Variants in FADS2 observed in about 807,000 individuals in gnomAD.
FADS2 encodes acyl-CoA 6-desaturase.
FADS2 carries 18 observed loss-of-function variants against 61.2 expected under a neutral mutation model. The ratio of observed to expected loss-of-function variants is 0.29; its 90% CI spans 0.20 to 0.44. The LOEUF (loss-of-function observed/expected upper bound fraction) is 0.44. Among genes scored for constraint, FADS2 ranks in the 20% least tolerant of loss-of-function variants. FADS2 has a pLI of 1.00. For missense variants in FADS2, 322 were observed against 572.7 expected (o/e 0.56, Z 4.47); for synonymous variants, 203 against 223.9 (o/e 0.91, Z 0.83).
Position 61,848,302 on chromosome 11 carries a change from G to T in FADS2, c.744+18G>T. On this transcript the variant is annotated intron_variant, in intron 5 of 11. Transcript: ENST00000278840. ...CCATCGAGGTACGACTAAGAGGATG[G>T]TGTTGACCTAGGAAGTGTTTGTCCT... 1 of 1,611,422 alleles carries T rather than the reference G, an allele frequency of 6.2e-7. No homozygotes were observed. Among genetic ancestry groups the T allele is most frequent in the Non-Finnish European group, 8.5e-7 (1 of 1,177,938 alleles).
chr11:61,851,155 C>A (rs1381200516), intron 5 of FADS2, among the ~76,000 whole-genome samples: 1 of 152,134 alleles, frequency 6.6e-6, no homozygotes, highest in African/African-American at 2.4e-5. Flanking sequence ...GAACTTGAGG[C>A]CCTCTGATAA....
chr11:61,863,173 C>A, intron 8 of FADS2, 104 bp downstream of exon 8: 1 of 1,428,206 alleles, frequency 7.0e-7, no homozygotes, highest in Non-Finnish European at 9.9e-7. Flanking sequence ...GGGGACCTCC[C>A]ATCCTGGCCC....
upstream of FADS2, chr11:61,828,216 C>T: frequency 7.0e-7 from 1 of 1,431,558 alleles, no homozygotes; most frequent in African/African-American, 1.4e-5. The surrounding 1 kb of genome is among the most constrained non-coding windows in gnomAD (Gnocchi z 6.4). Flanking sequence ...GGGACACTCC[C>T]GAGCGCAGGC....
intron 4 of FADS2, among the ~76,000 whole-genome samples, chr11:61,845,699 A>G (rs1311399397): frequency 6.7e-6 from 1 of 150,108 alleles, no homozygotes; most frequent in Non-Finnish European, 1.5e-5. Flanking sequence ...AGGCTGAGGT[A>G]GGAGAACCTG....
rs780566773 is a variant in FADS2, at chr11:61,840,426, G to A, written c.411G>A (p.Leu137=). The change falls in exon 3 of 12, where the codon CTG becomes CTA. Residue 137 remains leucine (L), a synonymous_variant. Transcript: ENST00000278840. ...ACCACGTGTTCTTCCTCCTCCTCCT[G>A]GCCCACATCATCGCCCTGGAGAGCA... is the stretch of plus-strand genomic sequence containing the variant. ...KTNHVFFLLL[L]AHIIALESIA... 2 of 1,614,124 alleles carry A rather than the reference G, an allele frequency of 1.2e-6. No homozygotes were observed. The highest frequency in any genetic ancestry group is 4.5e-5 in the East Asian group (2 of 44,884).
intron 4 of FADS2, among the ~76,000 whole-genome samples, chr11:61,841,621 G>A (rs934848057): frequency 9.2e-5 from 14 of 151,718 alleles, no homozygotes; most frequent in Non-Finnish European, 1.6e-4. Context: ...ATTTGAAACA[G>A]CAACTATCTT....
chr11:61,824,482 G>GAA (rs1565325356), upstream of FADS2, among the ~76,000 whole-genome samples: 2 of 8,746 alleles, frequency 2.3e-4, no homozygotes, highest in Non-Finnish European at 1.0e-3. Flanking sequence ...GAGAGAGAGA[G>GAA]AGAGAGAGAA....
At chr11:61,824,306 C>T (rs908520812), upstream of FADS2, among the ~76,000 whole-genome samples, 8 of 150,208 alleles carry the variant, frequency 5.3e-5, no homozygotes, top group South Asian at 2.1e-4. Context: ...CGCTTGAACC[C>T]GGGAGGCAGA....
intron 10 of FADS2, chr11:61,864,038 A>C: frequency 2.1e-6 from 1 of 485,532 alleles, no homozygotes; most frequent in Non-Finnish European, 3.7e-6. Context: ...ACCTCCCTCC[A>C]TGTGGGCCTG....
chr11:61,823,215 C>A (rs1315110514), intron 1 of FADS2, among the ~76,000 whole-genome samples: 1 of 151,882 alleles, frequency 6.6e-6, no homozygotes, highest in Admixed American at 6.6e-5. Flanking sequence ...ATTCTCTGTG[C>A]ACTTCAGAGT....
At chr11:61,830,669 G>T (rs943406061) in intron 1 of FADS2, among the ~76,000 whole-genome samples, 1 of 152,196 alleles carries the variant, frequency 6.6e-6, no homozygotes, top group Non-Finnish European at 1.5e-5. Flanking sequence ...GCCAACCGGG[G>T]CTGCAAACAG....
intron 1 of FADS2, among the ~76,000 whole-genome samples, chr11:61,834,940 TG>T (rs1219511795): frequency 4.6e-5 from 7 of 151,340 alleles, no homozygotes; most frequent in Admixed American, 4.0e-4. Flanking sequence ...ACTGCAACCC[TG>T]GGCTCCTCCC....
At chr11:61,817,158 G>A in intron 1 of FADS2, 1 of 440,004 alleles carries the variant, frequency 2.3e-6, no homozygotes, top group Admixed American at 4.6e-5. Flanking sequence ...CTGCAGGAGT[G>A]AATGGACTGA....
At position 61,852,664 on chromosome 11, in the gene FADS2, G is replaced by A. The variant is rs374320175; in HGVS notation, c.745-4347G>A. 1.1e-3 allele frequency among the ~76,000 whole-genome samples: 164 copies of A among 152,258 alleles called. 5 individuals carry two copies. The South Asian group carries it at 0.03, about 28-fold the overall frequency. On this transcript the variant is annotated intron_variant, in intron 5 of 11. Coordinates refer to ENST00000278840, the MANE Select transcript of FADS2 (RefSeq NM_004265.4). ...TGATTGGAGGTTCTCCAGTACTCGG[G>A]AAAGCAGTGGATATTGGGGTAGTTA...
intron 1 of FADS2, among the ~76,000 whole-genome samples, chr11:61,833,789 G>A (rs1406339475): frequency 1.3e-5 from 2 of 152,236 alleles, no homozygotes; most frequent in Non-Finnish European, 2.9e-5. Context: ...TGTGTGAAAC[G>A]CGGAAGAGGA....
Position 61,828,766 on chromosome 11 carries a change from C to T in FADS2, c.207+169C>T. 1.6e-6 allele frequency: 1 copy of T among 619,706 alleles called. No homozygotes were observed. Among genetic ancestry groups the T allele is most frequent in the East Asian group, 2.9e-5 (1 of 34,252 alleles). The allele number at this position is 619,706 out of a possible 1,614,324, so 38.4% of individuals were successfully genotyped here. A position where few individuals can be genotyped will look rare whatever the true frequency, so the allele number is the denominator to read the frequency against. The stretch of plus-strand genomic sequence containing the variant: ...GTACCCCCTCCCCAATCCTCCTCCT[C>T]CTCTGGGCCGACTGGGGTGGAGACC... On this transcript the variant is annotated intron_variant, in intron 1 of 11. Transcript: ENST00000278840. This position sits in a 1 kb window ranked among gnomAD's most constrained non-coding sequence, Gnocchi z 6.4.
chr11:61,820,590 G>C (rs141005185), intron 1 of FADS2, among the ~76,000 whole-genome samples: 4,337 of 152,060 alleles, frequency 0.029, 188 homozygotes, highest in African/African-American at 0.097. Context: ...GGAGTTCTAG[G>C]TGGAATCCCA....
In FADS2 at chr11:61,865,692, C is replaced by G; in HGVS notation, c.*3C>G. ...TGGACGCCTACCTTCACAAATGAAGCCACAGCCCCCGGGACACCGTGGGGA... is the reference window on the plus strand; with the variant it reads ...TGGACGCCTACCTTCACAAATGAAGGCACAGCCCCCGGGACACCGTGGGGA... On this transcript the variant is annotated 3_prime_UTR_variant, in exon 12 of 12. Transcript: ENST00000278840. The surrounding 1 kb of genome is among the most constrained non-coding windows in gnomAD (Gnocchi z 4.1). The G allele has an allele frequency of 6.2e-7, 1 of 1,610,316 alleles. No homozygotes were observed. The highest frequency in any genetic ancestry group is 1.3e-5 in the African/African-American group (1 of 74,988).
intron 4 of FADS2, among the ~76,000 whole-genome samples, chr11:61,841,283 C>T (rs1565330476): frequency 6.6e-6 from 1 of 152,044 alleles, no homozygotes; most frequent in South Asian, 2.1e-4. Flanking sequence ...AACTTCTGAC[C>T]TTGTGATCTA....
Sources: gnomAD v4.1 joint callset for allele counts (sites outside exome capture counted in the v4.1 genomes callset) on GRCh38, gnomAD v4.1.1 for gene constraint, Gnocchi (gnomAD v3.1) non-coding constraint, MANE v1.5 for transcripts, NCBI Gene and HGNC (gene_info 2026-07-23, HGNC 2026-07-21) for gene names.